Variants in CTNNA3 observed in about 807,000 individuals in gnomAD.
CTNNA3 encodes the protein catenin alpha 3.
In CTNNA3, 76 loss-of-function variants were observed where a neutral mutation model predicts 95.7. That is an observed-to-expected ratio of 0.79 (90% CI 0.66 to 0.96). The LOEUF (loss-of-function observed/expected upper bound fraction) is 0.96. CTNNA3 is among the 40% of genes least tolerant of loss of function. The pLI, the probability that CTNNA3 is intolerant of heterozygous loss-of-function variation, is 0.00. For synonymous variants in CTNNA3, 431 were observed against 374.4 expected, an observed-to-expected ratio of 1.15 and a Z score of -1.74; for missense variants, 1,191 against 1,089.8, an observed-to-expected ratio of 1.09 and a Z score of -1.31.
intron 16 of CTNNA3, among the ~76,000 whole-genome samples, chr10:65,969,260 T>C (rs189902235): frequency 9.3e-4 from 142 of 152,134 alleles, no homozygotes; most frequent in Non-Finnish European, 1.6e-3. Flanking sequence ...AATAGTATTA[T>C]AGGGAAAGAA....
upstream of CTNNA3, among the ~76,000 whole-genome samples, chr10:67,699,857 T>A (rs186938457): frequency 5.9e-5 from 9 of 152,278 alleles, no homozygotes; most frequent in Non-Finnish European, 1.3e-4. Flanking sequence ...GTCGGGGAGT[T>A]CCCTTTCCTA....
chr10:66,694,251 T>C (rs1171249113), intron 9 of CTNNA3, among the ~76,000 whole-genome samples: 3 of 151,684 alleles, frequency 2.0e-5, no homozygotes, highest in African/African-American at 4.8e-5. Context: ...AAGAATCAAA[T>C]AGACACAATA....
At chr10:66,178,677 G>A (rs746344627) in intron 13 of CTNNA3, among the ~76,000 whole-genome samples, 13 of 150,840 alleles carry the variant, frequency 8.6e-5, no homozygotes, top group Non-Finnish European at 1.2e-4. Flanking sequence ...ATCAACAAAG[G>A]ACTAGTATCA....
intron 7 of CTNNA3, among the ~76,000 whole-genome samples, chr10:66,993,884 G>A (rs920512299): frequency 6.6e-6 from 1 of 151,928 alleles, no homozygotes; most frequent in Non-Finnish European, 1.5e-5. Flanking sequence ...TTTATTCTTA[G>A]ACAAATTTTT....
intron 5 of CTNNA3, among the ~76,000 whole-genome samples, chr10:67,423,342 C>A (rs1005317696): frequency 4.6e-5 from 7 of 152,088 alleles, no homozygotes; most frequent in Non-Finnish European, 7.4e-5. Flanking sequence ...TTTTACATGA[C>A]CCAGGCAGAG....
chr10:66,386,519 C>G (rs1018672465), intron 11 of CTNNA3, among the ~76,000 whole-genome samples: 16 of 152,102 alleles, frequency 1.1e-4, no homozygotes, highest in Non-Finnish European at 1.8e-4. Flanking sequence ...GGCCATACTG[C>G]CCAAGGTAAT....
At chr10:67,693,524 T>C (rs958395505) in intron 1 of CTNNA3, among the ~76,000 whole-genome samples, 1 of 152,200 alleles carries the variant, frequency 6.6e-6, no homozygotes, top group African/African-American at 2.4e-5. Flanking sequence ...AATAGAAACA[T>C]GCAAACAGAA....
At position 66,284,381 on chromosome 10, in the gene CTNNA3, T is replaced by C. The variant is rs143627222; in HGVS notation, c.1733-3760A>G. On this transcript the variant is annotated intron_variant, in intron 12 of 17. Coordinates refer to ENST00000433211, the MANE Select transcript of CTNNA3 (RefSeq NM_013266.4). ...ACATAGTTAATAAGAGATTGGCTGG[T>C]AATTGAGAATATAGAGCCAGCTCTC... is the stretch of plus-strand genomic sequence containing the variant. Among the ~76,000 whole-genome samples the C allele has an allele frequency of 1.4e-3, 215 of 152,070 alleles. 2 individuals are homozygous for C. Among genetic ancestry groups the C allele is most frequent in the Middle Eastern group, 3.4e-3 (1 of 294 alleles).
At chr10:66,383,995 C>A (rs553048200) in intron 11 of CTNNA3, among the ~76,000 whole-genome samples, 1 of 152,048 alleles carries the variant, frequency 6.6e-6, no homozygotes, top group Non-Finnish European at 1.5e-5. Flanking sequence ...CAAAAACATG[C>A]CAAATTGTAA....
At chr10:67,707,619 T>G (rs1841085559) in intron 1 of CTNNA3, among the ~76,000 whole-genome samples, 1 of 152,112 alleles carries the variant, frequency 6.6e-6, no homozygotes, top group South Asian at 2.1e-4. Flanking sequence ...TCTTCACCAT[T>G]GGGATAAAAG....
chr10:66,148,187 G>A (rs1038527821), intron 13 of CTNNA3, among the ~76,000 whole-genome samples: 13 of 151,554 alleles, frequency 8.6e-5, no homozygotes, highest in South Asian at 2.1e-4. Flanking sequence ...CATTAATGTC[G>A]GGTCATTTAC....
At chr10:67,709,398 T>A (rs1841094765) in intron 1 of CTNNA3, among the ~76,000 whole-genome samples, 1 of 152,140 alleles carries the variant, frequency 6.6e-6, no homozygotes, top group African/African-American at 2.4e-5. Flanking sequence ...AATTAGAAAG[T>A]TGCATGGGAT....
At chr10:67,691,799 A>T in intron 1 of CTNNA3, among the ~76,000 whole-genome samples, 1 of 116,998 alleles carries the variant, frequency 8.5e-6, no homozygotes, top group African/African-American at 3.2e-5. Flanking sequence ...CGCCCCGTCC[A>T]GGAGGTGAGG....
rs117861634 is a variant in CTNNA3, at chr10:67,594,656, A to T, written c.292+12201T>A. 1.3e-4 allele frequency among the ~76,000 whole-genome samples: 20 copies of T among 151,710 alleles called. No individual in the cohort carries two copies. In the East Asian group the frequency reaches 3.7e-3, roughly 28 times the overall value. ...GGATCATCTCTATTTTTTTTTCATA[A>T]TCTAGGTAGTAGTCTATCAATCTTA... On this transcript the variant is annotated intron_variant, in intron 3 of 17. Coordinates refer to ENST00000433211, the MANE Select transcript of CTNNA3 (RefSeq NM_013266.4).
At chr10:66,204,598 T>C (rs1239097014) in intron 13 of CTNNA3, among the ~76,000 whole-genome samples, 2 of 152,316 alleles carry the variant, frequency 1.3e-5, no homozygotes, top group African/African-American at 4.8e-5. Flanking sequence ...TACTATCTCC[T>C]GGCACCTATA....
At chr10:66,721,335 A>G (rs1204011200) in intron 9 of CTNNA3, among the ~76,000 whole-genome samples, 2 of 152,170 alleles carry the variant, frequency 1.3e-5, no homozygotes, top group Non-Finnish European at 2.9e-5. Flanking sequence ...CCATGACAAC[A>G]TATAAGAAAA....
intron 7 of CTNNA3, among the ~76,000 whole-genome samples, chr10:67,082,371 C>A (rs1406105280): frequency 6.6e-6 from 1 of 152,062 alleles, no homozygotes; most frequent in Non-Finnish European, 1.5e-5. Context: ...ATTGCGATTT[C>A]GCTAGCACTG....
At position 67,066,574 on chromosome 10, in the gene CTNNA3, C is replaced by A. The variant is rs188949908; in HGVS notation, c.1047+113743G>T. The stretch of plus-strand genomic sequence containing the variant: ...AAAGGTACATACACACCAACCATTA[C>A]AGAAGCCAAAATATCAAGTCTAGAC... On this transcript the variant is annotated intron_variant, in intron 7 of 17. Transcript: ENST00000433211. Among the ~76,000 whole-genome samples, 731 of 149,700 alleles carry A rather than the reference C, an allele frequency of 4.9e-3. 5 individuals carry two copies. The highest frequency in any genetic ancestry group is 7.2e-3 in the Non-Finnish European group (486 of 67,614).
intron 13 of CTNNA3, among the ~76,000 whole-genome samples, chr10:66,186,543 A>G (rs921744096): frequency 6.6e-6 from 1 of 152,196 alleles, no homozygotes; most frequent in Non-Finnish European, 1.5e-5. Flanking sequence ...CATCTGCATT[A>G]TCATAAGATA....
Sources: gnomAD v4.1 joint callset for allele counts (sites outside exome capture counted in the v4.1 genomes callset) on GRCh38, gnomAD v4.1.1 for gene constraint, MANE v1.5 for transcripts, NCBI Gene and HGNC (gene_info 2026-07-23, HGNC 2026-07-21) for gene names.